The following ROBO2 variants were observed in gnomAD, a reference collection of about 807,000 sequenced individuals.
ROBO2 encodes the protein roundabout guidance receptor 2.
ROBO2 carries 53 observed loss-of-function variants against 160.8 expected under a neutral mutation model. The observed-to-expected ratio is 0.33, with a 90% CI of 0.26 to 0.41. The LOEUF (loss-of-function observed/expected upper bound fraction) is 0.41, where lower values mean the gene tolerates loss of function less well. Ranked by LOEUF, ROBO2 falls within the 10% of genes least tolerant of loss-of-function variation. The pLI is 1.00. For synonymous variants in ROBO2, 664 were observed against 611.7 expected (o/e 1.09, Z -1.26); for missense variants, 1,577 against 1,722.4 (o/e 0.92, Z 1.49).
At chr3:77,643,250 C>T (rs2095373168) in intron 24 of ROBO2, among the ~76,000 whole-genome samples, 1 of 152,158 alleles carries the variant, frequency 6.6e-6, no homozygotes, top group South Asian at 2.1e-4. Flanking sequence ...TTAAAGATCG[C>T]TAAATTTAAT....
At chr3:76,235,502 G>A (rs1704887838) in intron 2 of ROBO2, among the ~76,000 whole-genome samples, 1 of 152,180 alleles carries the variant, frequency 6.6e-6, no homozygotes, top group South Asian at 2.1e-4. Flanking sequence ...TACCTGGTTA[G>A]TGGTCATTTG....
chr3:76,023,288 G>T (rs1450796952), intron 2 of ROBO2, among the ~76,000 whole-genome samples: 3 of 151,604 alleles, frequency 2.0e-5, no homozygotes, highest in South Asian at 4.1e-4. Context: ...TTTCCCTTGT[G>T]TTCGTAAGTT....
chr3:76,072,547 A>G (rs1463598868), intron 2 of ROBO2, among the ~76,000 whole-genome samples: 2 of 152,244 alleles, frequency 1.3e-5, no homozygotes, highest in East Asian at 3.9e-4. Flanking sequence ...AACTTATACT[A>G]AATTAAAGCT....
At chr3:76,033,806 C>T (rs1488977169) in intron 2 of ROBO2, among the ~76,000 whole-genome samples, 1 of 152,164 alleles carries the variant, frequency 6.6e-6, no homozygotes, top group African/African-American at 2.4e-5. Context: ...TTGTCTGGAA[C>T]ACCATGGGTC....
rs566315019 is a variant in ROBO2, at chr3:76,499,931, A to G, written c.109+562329A>G. On this transcript the variant is annotated intron_variant, in intron 2 of 26. Transcript: ENST00000487694. ...ACAAATAAGTAGGGCAAATTACTAG[A>G]CCTTATCAAAGAACAGAGACACAAT... Among the ~76,000 whole-genome samples, 9 of 152,126 alleles carry G rather than the reference A, an allele frequency of 5.9e-5. No homozygotes were observed. In the South Asian group the frequency reaches 1.9e-3, roughly 32 times the overall value.
intron 24 of ROBO2, among the ~76,000 whole-genome samples, 183 bp from the exon 27 acceptor site, chr3:77,644,520 AG>A (rs747619200): frequency 2.6e-5 from 4 of 152,172 alleles, no homozygotes; most frequent in Non-Finnish European, 4.4e-5. Flanking sequence ...TTCCTATTGT[AG>A]GAAATGTTGC....
intron 2 of ROBO2, among the ~76,000 whole-genome samples, chr3:77,377,217 A>C (rs963896175): frequency 6.6e-6 from 1 of 152,190 alleles, no homozygotes; most frequent in Non-Finnish European, 1.5e-5. Context: ...AAAGGAATAA[A>C]ATTCAAAATT....
At chr3:76,584,529 G>T (rs1386160994) in intron 2 of ROBO2, among the ~76,000 whole-genome samples, 1 of 152,110 alleles carries the variant, frequency 6.6e-6, no homozygotes, top group East Asian at 1.9e-4. Context: ...AATGTGAAAA[G>T]ACAAGGGGAA....
At chr3:76,613,632 G>GTAC (rs1029563259) in intron 2 of ROBO2, among the ~76,000 whole-genome samples, 3 of 151,860 alleles carry the variant, frequency 2.0e-5, no homozygotes, top group Admixed American at 6.6e-5. Flanking sequence ...TATGCCTAGA[G>GTAC]TACTGCCTGT....
At chr3:76,025,288 C>A (rs1576531555) in intron 2 of ROBO2, among the ~76,000 whole-genome samples, 1 of 151,562 alleles carries the variant, frequency 6.6e-6, no homozygotes, top group Admixed American at 6.6e-5. Flanking sequence ...TTCACAAAGT[C>A]TTGGGAATTA....
chr3:77,113,665 A>G (rs2073911976), intron 2 of ROBO2, among the ~76,000 whole-genome samples: 1 of 152,198 alleles, frequency 6.6e-6, no homozygotes, highest in East Asian at 1.9e-4. Flanking sequence ...GGTCTAGTTA[A>G]TCATACTTGA....
At position 75,991,572 on chromosome 3, in the gene ROBO2, T is replaced by A. The variant is rs998931796; in HGVS notation, c.109+53970T>A. 2.0e-5 allele frequency among the ~76,000 whole-genome samples: 3 copies of A among 152,202 alleles called. No homozygotes were observed. The East Asian group carries it at 5.8e-4, about 29-fold the overall frequency. On this transcript the variant is annotated intron_variant, in intron 2 of 26. Transcript: ENST00000487694. ...GTAAGTCCATTAAAAGTTTTTTTCTTCCCAGTCTCAGGTATGTCTTTATGA... is the reference window on the plus strand; with the variant it reads ...GTAAGTCCATTAAAAGTTTTTTTCTACCCAGTCTCAGGTATGTCTTTATGA...
intron 2 of ROBO2, among the ~76,000 whole-genome samples, chr3:76,110,021 T>TTATA (rs199662389): frequency 1.3e-5 from 2 of 151,076 alleles, no homozygotes; most frequent in African/African-American, 4.9e-5. Flanking sequence ...AGTAGTATTG[T>TTATA]TATATATATA....
At chr3:76,292,800 A>G (rs1708869248) in intron 2 of ROBO2, among the ~76,000 whole-genome samples, 1 of 152,172 alleles carries the variant, frequency 6.6e-6, no homozygotes, top group South Asian at 2.1e-4. Flanking sequence ...GCTTAACACC[A>G]TGTTTTCATT....
intron 2 of ROBO2, among the ~76,000 whole-genome samples, chr3:76,491,949 A>G (rs2079847793): frequency 6.6e-6 from 1 of 152,048 alleles, no homozygotes; most frequent in African/African-American, 2.4e-5. Flanking sequence ...ACAAACAAAC[A>G]AACAAAAAAA....
At chr3:76,108,859 C>A (rs2070077630) in intron 2 of ROBO2, among the ~76,000 whole-genome samples, 1 of 150,794 alleles carries the variant, frequency 6.6e-6, no homozygotes, top group Non-Finnish European at 1.5e-5. Flanking sequence ...ATACAGATAT[C>A]TATTTTATTG....
At chr3:76,553,399 TA>T (rs2083528476) in intron 2 of ROBO2, among the ~76,000 whole-genome samples, 1 of 152,184 alleles carries the variant, frequency 6.6e-6, no homozygotes, top group Admixed American at 6.5e-5. Context: ...ATAACAATTT[TA>T]AACAAATCAG....
At chr3:76,462,062 C>T (rs905242594) in intron 2 of ROBO2, among the ~76,000 whole-genome samples, 1 of 152,200 alleles carries the variant, frequency 6.6e-6, no homozygotes, top group African/African-American at 2.4e-5. Context: ...CACATCATCT[C>T]TGCCATTTTT....
chr3:77,107,992 ATATG>A (rs1373932741), intron 2 of ROBO2, among the ~76,000 whole-genome samples: 2 of 152,002 alleles, frequency 1.3e-5, no homozygotes, highest in African/African-American at 4.8e-5. Flanking sequence ...TTATACATAT[ATATG>A]TGTGTGTGTG....
Sources: allele counts gnomAD v4.1 joint callset (sites outside exome capture counted in the v4.1 genomes callset), GRCh38; gene constraint gnomAD v4.1.1; transcripts MANE v1.5; gene names NCBI Gene and HGNC (gene_info 2026-07-23, HGNC 2026-07-21).